SPEG: variants seen among roughly 807,000 people sequenced by gnomAD.
The protein encoded by SPEG is striated muscle preferentially expressed protein kinase.
Under a neutral mutation model 300.4 loss-of-function variants are expected in SPEG, and 114 were observed. The ratio of observed to expected loss-of-function variants is 0.38; its 90% CI spans 0.33 to 0.44. The LOEUF is 0.44. Ranked by LOEUF, SPEG falls within the 20% of genes least tolerant of loss-of-function variation. The pLI is 1.00. For synonymous variants in SPEG, 1,964 were observed against 2,018.9 expected (o/e 0.97, Z 0.73); for missense variants, 4,201 against 4,586.2 (o/e 0.92, Z 2.43).
At chr2:219,468,079 G>A (rs143231059) in intron 10 of SPEG, among the ~76,000 whole-genome samples, 15 of 152,332 alleles carry the variant, frequency 9.8e-5, no homozygotes, top group African/African-American at 2.9e-4. Flanking sequence ...AGGGTGCATC[G>A]GGTCAACATA....
At position 219,464,608 on chromosome 2, in the gene SPEG, G is replaced by A. The variant is rs1252845914; in HGVS notation, c.2881G>A (p.Ala961Thr). The A allele has an allele frequency of 6.2e-7, 1 of 1,613,604 alleles. No individual in the cohort carries two copies. Among genetic ancestry groups the A allele is most frequent in the South Asian group, 1.1e-5 (1 of 91,062 alleles). Residue 961 changes from alanine (A) to threonine (T), a missense_variant and splice_region_variant, in exon 9 of 41, where the codon GCA (alanine) becomes ACA (threonine). Transcript: ENST00000312358. This position sits in a 1 kb window ranked among gnomAD's most constrained non-coding sequence, Gnocchi z 4.5. ...GTGCGAGGCCCGCTTGGAGGTCCGAGGTGAGTACCTGATTTCTCCATGAAT... is the reference window on the plus strand; with the variant it reads ...GTGCGAGGCCCGCTTGGAGGTCCGAAGTGAGTACCTGATTTCTCCATGAAT... ...RQCEARLEVRAHPESRSLAVL... is the reference protein window; with the variant it reads ...RQCEARLEVRTHPESRSLAVL...
chr2:219,486,737 TG>T (rs915985407), intron 31 of SPEG, among the ~76,000 whole-genome samples: 2 of 151,256 alleles, frequency 1.3e-5, no homozygotes, highest in Non-Finnish European at 2.9e-5. Flanking sequence ...CACCTAGGAA[TG>T]GGGGTGGGGC....
chr2:219,478,993 A>T, intron 22 of SPEG, 151 bp from the exon 23 acceptor site: 2 of 593,586 alleles, frequency 3.4e-6, no homozygotes, highest in South Asian at 3.5e-5. Flanking sequence ...GGGAGGGGGT[A>T]CACGTGGAGG....
chr2:219,465,494 C>G (rs949342256), intron 9 of SPEG: 1 of 158,222 alleles, frequency 6.3e-6, no homozygotes, highest in African/African-American at 2.4e-5. Context: ...AGCCCTCCTC[C>G]CCGGCCTGCT....
intron 1 of SPEG, 109 bp downstream of exon 1, chr2:219,435,474 T>G: frequency 8.2e-7 from 1 of 1,220,772 alleles, no homozygotes; most frequent in African/African-American, 1.6e-5. Flanking sequence ...CGCCGCCTTC[T>G]TCCCAGGTGC....
In SPEG at chr2:219,490,628, C is replaced by A. The variant is rs940336557; in HGVS notation, c.9141C>A (p.Leu3047=). ...CTGAGAGCTGTGGCAACCGGGAACT[C>A]CTCTGTGGGCTCAGTGACAGGTAGC... ...LIAESCGNRE[L]LCGLSDRFRY... The change falls in exon 37 of 41, where the codon CTC becomes CTA. Residue 3047 remains leucine, a synonymous_variant. Coordinates refer to ENST00000312358, the MANE Select transcript of SPEG (RefSeq NM_005876.5). The A allele has an allele frequency of 6.2e-7, 1 of 1,610,582 alleles. No individual in the cohort carries two copies. Among genetic ancestry groups the A allele is most frequent in the South Asian group, 1.1e-5 (1 of 91,044 alleles).
chr2:219,485,025 C>T lies in SPEG; in HGVS notation c.7562C>T (p.Ser2521Phe), dbSNP rs1462578688. ...LAAQAGATTP[S>F]AESLGSEASA... ...GCCCAGGCCGGCGCCACCACGCCTT[C>T]CGCCGAGTCCCTGGGCTCCGAGGCC... The change falls in exon 30 of 41, where the codon TCC becomes TTC. Residue 2521 changes from serine (S) to phenylalanine (F), a missense_variant. This residue lies in a region of SPEG where 1,578 missense variants were observed against 1,506.0 expected (regional missense o/e 1.05). Transcript: ENST00000312358. 7 of 1,532,026 alleles carry T rather than the reference C, an allele frequency of 4.6e-6. No homozygotes were observed. Among genetic ancestry groups the T allele is most frequent in the Non-Finnish European group, 6.1e-6 (7 of 1,145,702 alleles). The allele number at this position is 1,532,026 out of a possible 1,614,324, so 94.9% of individuals were successfully genotyped here.
In SPEG at chr2:219,484,545, G is replaced by T; in HGVS notation, c.7082G>T (p.Gly2361Val). Residue 2361 changes from glycine (G) to valine (V), a missense_variant, in exon 30 of 41, where the codon GGC becomes GTC. Around this residue, in one of 4 missense-constraint regions of SPEG, gnomAD observed 1,578 missense variants for 1,506.0 expected, o/e 1.05. Coordinates refer to ENST00000312358, the MANE Select transcript of SPEG (RefSeq NM_005876.5). ...AGCCGTTCGCGCTCGGAGGAGCGCG[G>T]CCCCTTCCGTGGGGCCGAGGAGGAG... is the stretch of plus-strand genomic sequence containing the variant. ...LLSRSRSEER[G>V]PFRGAEEEDG... The T allele has an allele frequency of 6.3e-7, 1 of 1,593,296 alleles. No homozygotes were observed. Among genetic ancestry groups the T allele is most frequent in the East Asian group, 2.3e-5 (1 of 44,314 alleles).
chr2:219,472,282 G>C lies in SPEG; in HGVS notation c.3891G>C (p.Arg1297Ser). 1 of 1,613,884 alleles carries C rather than the reference G, an allele frequency of 6.2e-7. No homozygotes were observed. The highest frequency in any genetic ancestry group is 8.5e-7 in the Non-Finnish European group (1 of 1,180,022). Residue 1297 changes from arginine to serine, a missense_variant, in exon 15 of 41, where the codon AGG becomes AGC. Physicochemically the swap from Arg to Ser is moderately radical, Grantham distance 110. This residue lies in a region of SPEG where 1,047 missense variants were observed against 1,356.8 expected (regional missense o/e 0.77). Transcript: ENST00000312358. Reference protein sequence around the residue: ...GAPQVVAVTGRMVTLTWNPPR... With the variant: ...GAPQVVAVTGSMVTLTWNPPR... ...CGCAGGTGGTGGCTGTGACGGGGAGGATGGTCACACTCACATGGAACCCCC... is the reference window on the plus strand; with the variant it reads ...CGCAGGTGGTGGCTGTGACGGGGAGCATGGTCACACTCACATGGAACCCCC...
At position 219,479,141 on chromosome 2, in the gene SPEG, T is replaced by C. The variant is rs201161012; in HGVS notation, c.5028-3T>C. ...GCACTGTTCTCCTTGATCTGGGATG[T>C]AGCTGCACAGAGGAGCTGCTGGAGC... On this transcript the variant is annotated splice_polypyrimidine_tract_variant and splice_region_variant and intron_variant, in intron 22 of 40. Coordinates refer to ENST00000312358, the MANE Select transcript of SPEG (RefSeq NM_005876.5). This position sits in a 1 kb window ranked among gnomAD's most constrained non-coding sequence, Gnocchi z 5.5. 109 of 1,613,260 alleles carry C rather than the reference T, an allele frequency of 6.8e-5. 1 individual carries two copies. The highest frequency in any genetic ancestry group is 1.3e-5 in the African/African-American group (1 of 74,920).
At chr2:219,469,590 C>T (rs1691691991) in intron 13 of SPEG, among the ~76,000 whole-genome samples, 2 of 152,210 alleles carry the variant, frequency 1.3e-5, no homozygotes, top group Admixed American at 1.3e-4. Flanking sequence ...CCCCTCAGTG[C>T]CCGTTAGCAC....
intron 4 of SPEG, among the ~76,000 whole-genome samples, chr2:219,449,563 G>C (rs900575824): frequency 2.6e-5 from 4 of 152,180 alleles, no homozygotes; most frequent in Non-Finnish European, 5.9e-5. Context: ...GCCCGCCATA[G>C]CTCCCCTGGG....
In SPEG at chr2:219,449,208, G is replaced by A; in HGVS notation, c.2050G>A (p.Asp684Asn). 7.2e-7 allele frequency: 1 copy of A among 1,393,748 alleles called. No homozygotes were observed. Among genetic ancestry groups the A allele is most frequent in the Non-Finnish European group, 9.3e-7 (1 of 1,074,666 alleles). The allele number at this position is 1,393,748 out of a possible 1,614,324, so 86.3% of individuals were successfully genotyped here. ...GGAGGACGGTCCCTGGGGGCCCTGG[G>A]ACCGCCGAGGGGCCCGCAGCCAGGG... ...PEEDGPWGPWDRRGARSQGKG... is the reference protein window; with the variant it reads ...PEEDGPWGPWNRRGARSQGKG... The change falls in exon 4 of 41, where the codon GAC becomes AAC. Residue 684 changes from aspartate to asparagine, a missense_variant. Physicochemically the swap from Asp to Asn is conservative, Grantham distance 23 (BLOSUM62 1). This residue lies in a region of SPEG where 1,258 missense variants were observed against 1,293.9 expected (regional missense o/e 0.97). Coordinates refer to ENST00000312358, the MANE Select transcript of SPEG (RefSeq NM_005876.5).
At chr2:219,441,614 G>A (rs1280045032) in intron 1 of SPEG, 2 of 470,104 alleles carry the variant, frequency 4.3e-6, no homozygotes, top group Admixed American at 2.4e-5. Flanking sequence ...GGAGGAGGCT[G>A]CGCTGGGCTG....
Position 219,449,211 on chromosome 2 carries a change from C to A in SPEG, c.2053C>A (p.Arg685Ser), listed in dbSNP as rs767316023. Residue 685 changes from arginine to serine, a missense_variant, in exon 4 of 41, where the codon CGC (arginine) becomes AGC (serine). Transcript: ENST00000312358. The stretch of plus-strand genomic sequence containing the variant: ...GGACGGTCCCTGGGGGCCCTGGGAC[C>A]GCCGAGGGGCCCGCAGCCAGGGCAA... The part of the protein sequence containing the change: ...EEDGPWGPWD[R>S]RGARSQGKGR... 2 of 1,392,336 alleles carry A rather than the reference C, an allele frequency of 1.4e-6. No individual in the cohort carries two copies. Among genetic ancestry groups the A allele is most frequent in the Non-Finnish European group, 1.9e-6 (2 of 1,073,776 alleles). The allele number at this position is 1,392,336 out of a possible 1,614,324, so 86.2% of individuals were successfully genotyped here.
At chr2:219,478,565 C>A (rs1164880626) in intron 22 of SPEG, among the ~76,000 whole-genome samples, 1 of 152,162 alleles carries the variant, frequency 6.6e-6, no homozygotes, top group Non-Finnish European at 1.5e-5. Context: ...AGGCTGTTTT[C>A]ATAAGGAACA....
rs1381654128 is a variant in SPEG at position 219,493,540 on chromosome 2, A to T, written c.*754A>T. 2.2e-6 allele frequency: 1 copy of T among 460,326 alleles called. No homozygotes were observed. The highest frequency in any genetic ancestry group is 4.4e-6 in the Non-Finnish European group (1 of 228,458). The allele number at this position is 460,326 out of a possible 1,614,324, so 28.5% of individuals were successfully genotyped here. A position where few individuals can be genotyped will look rare whatever the true frequency, so the allele number is the denominator to read the frequency against. On this transcript the variant is annotated 3_prime_UTR_variant, in exon 41 of 41. Transcript: ENST00000312358. Reference sequence around the variant, plus strand: ...TTTATGAAGTTTCCCCTTCCATCCGATCCCTACTGCCCATGTTGTCCTGAC... The same window carrying T: ...TTTATGAAGTTTCCCCTTCCATCCGTTCCCTACTGCCCATGTTGTCCTGAC...
chr2:219,441,334 T>A (rs1273254275), intron 1 of SPEG, among the ~76,000 whole-genome samples: 1 of 152,160 alleles, frequency 6.6e-6, no homozygotes, highest in East Asian at 1.9e-4. Context: ...GGGCCGCGCA[T>A]GGGACAATCG....
At position 219,473,510 on chromosome 2, in the gene SPEG, C is replaced by T. The variant is rs773080145; in HGVS notation, c.4154C>T (p.Thr1385Ile). ...TGCGCTCTCCTCCTCCCAGGCCCAA[C>T]CCTGGAGGAGGCCCCTGCCATGCTG... Reference protein sequence around the residue: ...EPVQLLEHGPTLEEAPAMLDK... With the variant: ...EPVQLLEHGPILEEAPAMLDK... Residue 1385 changes from threonine (T) to isoleucine (I), a missense_variant, in exon 17 of 41, where the codon ACC becomes ATC. By Grantham distance (89) the Thr-to-Ile change is moderately conservative (BLOSUM62 -1). Transcript: ENST00000312358. The surrounding 1 kb of genome is among the most constrained non-coding windows in gnomAD (Gnocchi z 4.6). The T allele has an allele frequency of 4.3e-6, 7 of 1,613,972 alleles. No homozygotes were observed. Among genetic ancestry groups the T allele is most frequent in the East Asian group, 2.2e-5 (1 of 44,886 alleles).
Sources: gnomAD v4.1 joint callset for allele counts (sites outside exome capture counted in the v4.1 genomes callset) on GRCh38, gnomAD v4.1.1 for gene constraint, gnomAD v4.1.1 regional missense constraint, Gnocchi (gnomAD v3.1) non-coding constraint, MANE v1.5 for transcripts, NCBI Gene and HGNC (gene_info 2026-07-23, HGNC 2026-07-21) for gene names.